The following PLEKHG5 variants were observed in gnomAD, a reference collection of about 807,000 sequenced individuals.
PLEKHG5 encodes the protein pleckstrin homology domain-containing family G member 5.
A neutral mutation model predicts 103.8 loss-of-function variants in PLEKHG5; 52 were observed. The ratio of observed to expected loss-of-function variants is 0.50; its 90% CI spans 0.40 to 0.63. The LOEUF is 0.63. Among genes scored for constraint, PLEKHG5 ranks in the 30% least tolerant of loss-of-function variants. PLEKHG5 has a pLI of 0.00. For synonymous variants in PLEKHG5, 592 were observed against 575.5 expected, an observed-to-expected ratio of 1.03 and a Z score of -0.41; for missense variants, 1,205 against 1,347.6, an observed-to-expected ratio of 0.89 and a Z score of 1.66.
chr1:6,486,424 AC>A lies in PLEKHG5; in HGVS notation c.-88+5212del, dbSNP rs1260673509. 1.3e-5 allele frequency among the ~76,000 whole-genome samples: 2 copies of A among 151,904 alleles called. No homozygotes were observed. The highest frequency in any genetic ancestry group is 3.9e-4 in the East Asian group (2 of 5,148). ...GCCCGAGAGCCTGAGCCCCAGGGAC[AC>A]CCCCTCACACCGACTGCTCACTGCC... is the stretch of plus-strand genomic sequence containing the variant. On this transcript the variant is annotated intron_variant, in intron 1 of 20. Coordinates refer to ENST00000377728, the MANE Select transcript of PLEKHG5 (RefSeq NM_020631.6). This position sits in a 1 kb window ranked among gnomAD's most constrained non-coding sequence, Gnocchi z 5.3.
rs767845990 is a variant in PLEKHG5 at position 6,475,085 on chromosome 1, C to G, written c.264G>C (p.Glu88Asp). The G allele has an allele frequency of 2.5e-6, 4 of 1,612,298 alleles. No homozygotes were observed. The highest frequency in any genetic ancestry group is 3.4e-6 in the Non-Finnish European group (4 of 1,178,354). ...TCTTCATGGCTGGGACGATCTCTGT[C>G]TCAATGTCCACATTCAGGTCAAATT... ...TLKFDLNVDI[E>D]TEIVPAMKKK... The change falls in exon 5 of 21, where the codon GAG becomes GAC. Residue 88 changes from glutamate to aspartate, a missense_variant. Transcript: ENST00000377728.
exon 1 of PLEKHG5, chr1:6,519,954 G>C (rs1361736452): frequency 3.7e-5 from 9 of 244,046 alleles, no homozygotes; most frequent in Non-Finnish European, 7.3e-5. Flanking sequence ...TGCAATCCCA[G>C]CAGCCAGCAG....
At chr1:6,504,873 C>A (rs897937760) in intron 1 of PLEKHG5, among the ~76,000 whole-genome samples, 3 of 152,170 alleles carry the variant, frequency 2.0e-5, no homozygotes, top group African/African-American at 7.2e-5. Context: ...CCAGCCTACA[C>A]CTCCCTTTTC....
At chr1:6,504,003 C>T (rs1158816307) in intron 1 of PLEKHG5, among the ~76,000 whole-genome samples, 2 of 152,246 alleles carry the variant, frequency 1.3e-5, no homozygotes, top group Non-Finnish European at 2.9e-5. Context: ...CTTTGCCCCA[C>T]CCTGCCAAGG....
intron 1 of PLEKHG5, among the ~76,000 whole-genome samples, chr1:6,510,666 C>A (rs1478304892): frequency 6.6e-6 from 1 of 152,216 alleles, no homozygotes; most frequent in Admixed American, 6.5e-5. Context: ...CTGATAGTGA[C>A]CCTGGGGGCG....
chr1:6,475,120 A>G lies in PLEKHG5; in HGVS notation c.229T>C (p.Phe77Leu). The change falls in exon 5 of 21, where the codon TTC becomes CTC. Residue 77 changes from phenylalanine (F) to leucine (L), a missense_variant. Physicochemically the swap from Phe to Leu is conservative, Grantham distance 22. Transcript: ENST00000377728. ...ACATTCAGGTCAAATTTCAGAGTGA[A>G]GCATTCCTTGCTTGGGTCCTGGGAG... The part of the protein sequence containing the change: ...RHTDDPSKEC[F>L]TLKFDLNVDI... 6.2e-7 allele frequency: 1 copy of G among 1,608,162 alleles called. No individual in the cohort carries two copies. The highest frequency in any genetic ancestry group is 8.5e-7 in the Non-Finnish European group (1 of 1,174,670).
At chr1:6,500,838 G>T (rs973595092), upstream of PLEKHG5, among the ~76,000 whole-genome samples, 1 of 152,144 alleles carries the variant, frequency 6.6e-6, no homozygotes, top group Admixed American at 6.5e-5. Context: ...ACCTCCCGTC[G>T]CAGGGAGACC....
chr1:6,504,389 G>A (rs961241567), intron 1 of PLEKHG5, among the ~76,000 whole-genome samples: 4 of 151,850 alleles, frequency 2.6e-5, no homozygotes, highest in Admixed American at 6.6e-5. Flanking sequence ...TTCTGCGCAC[G>A]TCCCGATGGG....
intron 1 of PLEKHG5, among the ~76,000 whole-genome samples, chr1:6,479,051 A>G (rs1193399315): frequency 6.6e-6 from 1 of 151,886 alleles, no homozygotes; most frequent in East Asian, 1.9e-4. Context: ...CTTCTCTCCC[A>G]TTCTCTTCTC....
At chr1:6,510,054 G>A (rs1170882605) in intron 1 of PLEKHG5, among the ~76,000 whole-genome samples, 3 of 152,182 alleles carry the variant, frequency 2.0e-5, no homozygotes, top group Non-Finnish European at 2.9e-5. Context: ...CAGGGCAGCC[G>A]GGGAGAGCCA....
At chr1:6,473,208 T>C (rs762019014) in intron 8 of PLEKHG5, 34 bp from the exon 9 acceptor site, 4 of 1,612,718 alleles carry the variant, frequency 2.5e-6, no homozygotes, top group South Asian at 1.1e-5. Flanking sequence ...TCAGGGGTCA[T>C]GGCCAGCCAG....
Position 6,501,961 on chromosome 1 carries a change from ACCTCCCAAC to A in PLEKHG5, c.-164-5401_-164-5393del, listed in dbSNP as rs1645301131. On this transcript the variant is annotated intron_variant, in intron 1 of 21. Transcript: ENST00000377740. This position sits in a 1 kb window ranked among gnomAD's most constrained non-coding sequence, Gnocchi z 4.3. ...AGAAAACAGGCCCTCCCTGCCCACG[ACCTCCCAAC>A]CACAGGCCTGGCCATGCAAAGGCTG... Among the ~76,000 whole-genome samples the A allele has an allele frequency of 6.6e-6, 1 of 151,952 alleles. No homozygotes were observed. The highest frequency in any genetic ancestry group is 2.4e-5 in the African/African-American group (1 of 41,344).
upstream of PLEKHG5, among the ~76,000 whole-genome samples, chr1:6,501,116 C>T (rs1325789296): frequency 6.6e-6 from 1 of 152,204 alleles, no homozygotes; most frequent in East Asian, 1.9e-4. The surrounding 1 kb of genome is among the most constrained non-coding windows in gnomAD (Gnocchi z 4.3). Flanking sequence ...AGGAGCCCGG[C>T]AGCTCTGGAC....
At position 6,467,519 on chromosome 1, in the gene PLEKHG5, C is replaced by T; in HGVS notation, c.*44G>A. On this transcript the variant is annotated 3_prime_UTR_variant, in exon 21 of 21. Transcript: ENST00000377728. ...CGGCACGCCCCAGGAGGCAGGCTGT[C>T]TGCTGTCTCTTGGTCAATGGCACTC... 1 of 1,602,808 alleles carries T rather than the reference C, an allele frequency of 6.2e-7. No individual in the cohort carries two copies. The highest frequency in any genetic ancestry group is 2.2e-5 in the East Asian group (1 of 44,804).
intron 1 of PLEKHG5, among the ~76,000 whole-genome samples, chr1:6,503,367 A>G (rs531822183): frequency 6.7e-6 from 1 of 149,776 alleles, no homozygotes; most frequent in African/African-American, 2.4e-5. Flanking sequence ...TGATCTCGCC[A>G]CTGCACTCCA....
exon 1 of PLEKHG5, chr1:6,519,569 C>T (rs1056970092): frequency 1.6e-6 from 2 of 1,281,622 alleles, no homozygotes; most frequent in African/African-American, 1.5e-5. Context: ...GCCAATGCCA[C>T]AGGCCTCTCT....
At chr1:6,483,108 T>C (rs1041292798) in intron 1 of PLEKHG5, among the ~76,000 whole-genome samples, 4 of 152,122 alleles carry the variant, frequency 2.6e-5, no homozygotes, top group African/African-American at 9.7e-5. Flanking sequence ...CAGGAGGAAA[T>C]CTATCTCAGT....
chr1:6,484,555 C>T (rs1644978402), intron 1 of PLEKHG5, among the ~76,000 whole-genome samples: 1 of 152,204 alleles, frequency 6.6e-6, no homozygotes. Context: ...GCAGTTTCTG[C>T]TCCCCGTTCT....
At chr1:6,474,420 G>GC in intron 6 of PLEKHG5, 31 bp downstream of exon 6, 1 of 1,613,038 alleles carries the variant, frequency 6.2e-7, no homozygotes, top group East Asian at 2.2e-5. Flanking sequence ...GCCAGTCCCA[G>GC]CGGCCCCATT....
Sources: allele counts gnomAD v4.1 joint callset (sites outside exome capture counted in the v4.1 genomes callset), GRCh38; gene constraint gnomAD v4.1.1; non-coding constraint Gnocchi (gnomAD v3.1); transcripts MANE v1.5; gene names NCBI Gene and HGNC (gene_info 2026-07-23, HGNC 2026-07-21).